HTT: variants seen among roughly 807,000 people sequenced by gnomAD.
The protein encoded by HTT is huntington disease protein.
A neutral mutation model predicts 362.3 loss-of-function variants in HTT; 104 were observed. The ratio of observed to expected loss-of-function variants is 0.29; its 90% CI spans 0.24 to 0.34. The LOEUF (loss-of-function observed/expected upper bound fraction) is 0.34, where lower values mean the gene tolerates loss of function less well. Ranked by LOEUF, HTT falls within the 10% of genes least tolerant of loss-of-function variation. The probability of loss-of-function intolerance (pLI) is 1.00; values close to 1 mark genes in which losing one functional copy is unlikely to be tolerated. For synonymous variants in HTT, 1,577 were observed against 1,548.7 expected (o/e 1.02, Z -0.43); for missense variants, 3,301 against 3,928.6 (o/e 0.84, Z 4.27).
At chr4:3,183,817 A>G (rs1358897382) in intron 37 of HTT, among the ~76,000 whole-genome samples, 1 of 152,218 alleles carries the variant, frequency 6.6e-6, no homozygotes, top group Non-Finnish European at 1.5e-5. Flanking sequence ...CGCAATGGAA[A>G]TTGTGTGATA....
chr4:3,179,343 A>C (rs1244684633), intron 35 of HTT, among the ~76,000 whole-genome samples: 2 of 152,156 alleles, frequency 1.3e-5, no homozygotes, highest in Non-Finnish European at 2.9e-5. Context: ...CTGGACTTGG[A>C]GGGTCTTTGG....
At chr4:3,220,454 C>CCAACACTGCAA in intron 53 of HTT, 146 bp downstream of exon 53, 1 of 825,854 alleles carries the variant, frequency 1.2e-6, no homozygotes, top group Non-Finnish European at 1.9e-6. Context: ...ATACATTTTG[C>CCAACACTGCAA]AGTGTTGGCA....
intron 66 of HTT, 146 bp from the exon 67 acceptor site, chr4:3,239,700 A>G: frequency 1.6e-6 from 1 of 635,024 alleles, no homozygotes; most frequent in Non-Finnish European, 2.8e-6. Context: ...AGCTGGAGGC[A>G]TCCAGGTGGC....
rs1371860363 is a variant in HTT at position 3,243,515 on chromosome 4, C to T, written c.*3456C>T. ...GGGCCTCCTGGGAAGGAGGGAGCTG[C>T]TCAGAATGCCGCATGACAACTGAAG... On this transcript the variant is annotated 3_prime_UTR_variant, in exon 67 of 67. Transcript: ENST00000355072. 1 of 152,352 alleles carries T rather than the reference C, an allele frequency of 6.6e-6. No homozygotes were observed. Among genetic ancestry groups the T allele is most frequent in the Non-Finnish European group, 1.5e-5 (1 of 68,148 alleles). The allele number at this position is 152,352 out of a possible 1,614,324, so 9.4% of individuals were successfully genotyped here. A position where few individuals can be genotyped will look rare whatever the true frequency, so the allele number is the denominator to read the frequency against.
chr4:3,143,310 G>A (rs540123683), intron 23 of HTT, among the ~76,000 whole-genome samples: 131 of 151,482 alleles, frequency 8.6e-4, no homozygotes, highest in Admixed American at 1.4e-3. Context: ...GGTGGCGGGC[G>A]CCTGTAATCC....
intron 4 of HTT, 94 bp from the exon 5 acceptor site, chr4:3,105,263 G>C: frequency 1.2e-6 from 1 of 837,694 alleles, no homozygotes. Flanking sequence ...TCTAAAATTA[G>C]AAAGTAACAA....
chr4:3,167,296 C>T (rs537269122), intron 29 of HTT, among the ~76,000 whole-genome samples: 1 of 152,288 alleles, frequency 6.6e-6, no homozygotes, highest in South Asian at 2.1e-4. Flanking sequence ...TAGTCTCGAA[C>T]TCCTGACCTT....
At position 3,186,692 on chromosome 4, in the gene HTT, G is replaced by C; in HGVS notation, c.4962G>C (p.Arg1654=). 1 of 1,613,752 alleles carries C rather than the reference G, an allele frequency of 6.2e-7. No individual in the cohort carries two copies. Among genetic ancestry groups the C allele is most frequent in the Non-Finnish European group, 8.5e-7 (1 of 1,179,772 alleles). The change falls in exon 38 of 67, where the codon CGG becomes CGC. Residue 1654 remains arginine, a synonymous_variant. Transcript: ENST00000355072. ...TCCGTCCGGTAGACATGCTTTTACG[G>C]AGTATGTTCGTCACTCCAAACACAA... ...SSLRPVDMLL[R]SMFVTPNTMA... is the part of the protein sequence containing the mutation.
At chr4:3,222,532 C>T (rs576320555) in intron 54 of HTT, 45 bp downstream of exon 54, 30 of 1,400,494 alleles carry the variant, frequency 2.1e-5, no homozygotes, top group African/African-American at 1.4e-4. Context: ...CAGTTATGGC[C>T]GCTTGCAGGC....
In HTT at chr4:3,127,624, T is replaced by C. The variant is rs1560559322; in HGVS notation, c.1743+20T>C. ...GAAATTGTAAGTGGGCAGAGGGGCC[T>C]GACATCTTTTTTTTTATTTTTTATT... is the stretch of plus-strand genomic sequence containing the variant. On this transcript the variant is annotated intron_variant, in intron 12 of 66. Transcript: ENST00000355072. The C allele has an allele frequency of 2.6e-6, 4 of 1,542,220 alleles. No individual in the cohort carries two copies. Among genetic ancestry groups the C allele is most frequent in the Non-Finnish European group, 2.7e-6 (3 of 1,125,924 alleles).
rs117702763 is a variant in HTT at position 3,085,059 on chromosome 4, A to C, written c.264-1880A>C. Among the ~76,000 whole-genome samples the C allele has an allele frequency of 2.5e-4, 38 of 151,670 alleles. No homozygotes were observed. In the East Asian group the frequency reaches 7.0e-3, roughly 28 times the overall value. ...TAAATAGAATGCTGTAGTGTCCTTGAGTTTACATGCCCCTCCTTACGCTTG... is the reference window on the plus strand; with the variant it reads ...TAAATAGAATGCTGTAGTGTCCTTGCGTTTACATGCCCCTCCTTACGCTTG... On this transcript the variant is annotated intron_variant, in intron 1 of 66. Transcript: ENST00000355072.
chr4:3,176,173 AC>A, intron 33 of HTT, among the ~76,000 whole-genome samples: 1 of 151,650 alleles, frequency 6.6e-6, no homozygotes, highest in Non-Finnish European at 1.5e-5. Context: ...GACTACAGGC[AC>A]CCACCACTAC....
intron 37 of HTT, among the ~76,000 whole-genome samples, chr4:3,185,714 A>C (rs905674016): frequency 6.6e-6 from 1 of 152,286 alleles, no homozygotes; most frequent in African/African-American, 2.4e-5. Flanking sequence ...GGAGTTTGAG[A>C]CCAGCCTGGG....
Position 3,083,530 on chromosome 4 carries a change from T to TAC in HTT, c.264-3353_264-3352dup, listed in dbSNP as rs56210756. 5.6e-3 allele frequency among the ~76,000 whole-genome samples: 701 copies of TAC among 125,150 alleles called. 2 individuals carry two copies. Among genetic ancestry groups the TAC allele is most frequent in the East Asian group, 9.2e-3 (35 of 3,812 alleles). The allele number at this position is 125,150 out of a possible 152,430, so 82.1% of individuals were successfully genotyped here. Reference sequence around the variant, plus strand: ...GAGAGTGAGACCCTGTCTCTAAATATACACACACACACACACACACACACA... The same window carrying TAC: ...GAGAGTGAGACCCTGTCTCTAAATATACACACACACACACACACACACACACA... On this transcript the variant is annotated intron_variant, in intron 1 of 66. Transcript: ENST00000355072.
intron 21 of HTT, 58 bp from the exon 22 acceptor site, chr4:3,140,452 C>G: frequency 2.0e-6 from 3 of 1,519,894 alleles, no homozygotes; most frequent in Non-Finnish European, 1.8e-6. Flanking sequence ...GGAGGGTGGT[C>G]TATCACAGGT....
chr4:3,200,411 G>A (rs363091), intron 41 of HTT, among the ~76,000 whole-genome samples: 33,411 of 152,112 alleles, frequency 0.22, 6,184 homozygotes, highest in African/African-American at 0.51. Flanking sequence ...TAAGGTTCTC[G>A]TTATGGGTGG....
chr4:3,125,460 T>C (rs939356923), intron 10 of HTT, 89 bp from the exon 11 acceptor site: 35 of 773,240 alleles, frequency 4.5e-5, no homozygotes, highest in Non-Finnish European at 7.2e-5. Context: ...TTAAATATTC[T>C]TATGAGTTTC....
chr4:3,150,359 G>T (rs1029184326), intron 26 of HTT, among the ~76,000 whole-genome samples: 1 of 152,002 alleles, frequency 6.6e-6, no homozygotes, highest in Admixed American at 6.6e-5. Context: ...CTCCAGTATT[G>T]GGCAGGGCAG....
At chr4:3,085,219 C>A (rs950898542) in intron 1 of HTT, among the ~76,000 whole-genome samples, 10 of 151,846 alleles carry the variant, frequency 6.6e-5, no homozygotes, top group Admixed American at 1.3e-4. Flanking sequence ...TGCACTGCAA[C>A]CTCTGCCTCC....
Sources: allele counts gnomAD v4.1 joint callset (sites outside exome capture counted in the v4.1 genomes callset), GRCh38; gene constraint gnomAD v4.1.1; transcripts MANE v1.5; gene names NCBI Gene and HGNC (gene_info 2026-07-23, HGNC 2026-07-21).